THSD4: variants seen among roughly 807,000 people sequenced by gnomAD.
THSD4 encodes the protein thrombospondin type-1 domain-containing protein 4.
In THSD4, 69 loss-of-function variants were observed where a neutral mutation model predicts 119.0. The observed-to-expected ratio is 0.58, with a 90% CI of 0.48 to 0.71. The LOEUF is 0.71. Ranked by LOEUF, THSD4 falls within the 30% of genes least tolerant of loss-of-function variation. The probability of loss-of-function intolerance (pLI) is 0.00; values close to 1 mark genes in which losing one functional copy is unlikely to be tolerated. For missense variants in THSD4, 1,393 were observed against 1,391.1 expected (o/e 1.00, Z -0.02); for synonymous variants, 524 against 540.4 (o/e 0.97, Z 0.42).
At chr15:71,608,247 T>TACACAC (rs1331902315) in intron 7 of THSD4, among the ~76,000 whole-genome samples, 5 of 71,716 alleles carry the variant, frequency 7.0e-5, no homozygotes, top group South Asian at 1.0e-3. Context: ...AATATATATA[T>TACACAC]ATACACACAC....
chr15:71,728,412 C>T, intron 8 of THSD4, 137 bp from the exon 9 acceptor site: 1 of 1,051,770 alleles, frequency 9.5e-7, no homozygotes, highest in Non-Finnish European at 1.4e-6. Context: ...CGCCCCAGGG[C>T]CTGGATCATT....
At chr15:71,538,855 A>G (rs963357417) in intron 7 of THSD4, among the ~76,000 whole-genome samples, 12 of 152,174 alleles carry the variant, frequency 7.9e-5, no homozygotes, top group Non-Finnish European at 1.5e-4. Flanking sequence ...AAGAGTTAGG[A>G]TGGGCCTGTA....
chr15:71,677,822 C>G (rs188282394), intron 8 of THSD4, among the ~76,000 whole-genome samples: 18 of 152,252 alleles, frequency 1.2e-4, no homozygotes, highest in African/African-American at 3.6e-4. Flanking sequence ...TTAATTGTAT[C>G]GTCTGTCTCA....
chr15:71,459,641 A>G (rs2047399565), intron 7 of THSD4, among the ~76,000 whole-genome samples: 4 of 152,236 alleles, frequency 2.6e-5, no homozygotes, highest in Admixed American at 2.6e-4. Flanking sequence ...AGAAACACAT[A>G]CATTCCCAAA....
chr15:71,688,707 CTGTGTGTGTGTGTG>C (rs55653630), intron 8 of THSD4, among the ~76,000 whole-genome samples: 7 of 133,438 alleles, frequency 5.2e-5, no homozygotes, highest in Non-Finnish European at 9.5e-5. Context: ...TTTTGTATCT[CTGTGTGTGTGTGTG>C]TGTGTGTGTG....
Position 71,417,053 on chromosome 15 carries a change from C to T in THSD4, c.1152+5230C>T, listed in dbSNP as rs112351864. ...GGATTACAGGCATGAGCCACTGCAC[C>T]TGGCCCTGCCCATTTTAAAATCAGA... is the stretch of plus-strand genomic sequence containing the variant. On this transcript the variant is annotated intron_variant, in intron 7 of 17. Transcript: ENST00000261862. Among the ~76,000 whole-genome samples the T allele has an allele frequency of 1.7e-4, 18 of 109,044 alleles. 5 individuals are homozygous for T. The highest frequency in any genetic ancestry group is 5.6e-4 in the African/African-American group (18 of 32,164). 71.5% of individuals were successfully genotyped at this position (109,044 alleles called of 152,430 possible). A position where few individuals can be genotyped will look rare whatever the true frequency, so the allele number is the denominator to read the frequency against.
intron 6 of THSD4, among the ~76,000 whole-genome samples, chr15:71,384,621 C>G (rs141304287): frequency 1.3e-5 from 2 of 152,270 alleles, no homozygotes; most frequent in African/African-American, 4.8e-5. Context: ...TTAAAAGAGG[C>G]AATAAAATTT....
intron 7 of THSD4, among the ~76,000 whole-genome samples, chr15:71,580,871 G>A (rs901979125): frequency 1.3e-5 from 2 of 151,792 alleles, no homozygotes; most frequent in African/African-American, 4.8e-5. Context: ...ATATATATGT[G>A]TGTGTGTATA....
At chr15:71,652,729 G>C (rs903947277) in intron 7 of THSD4, among the ~76,000 whole-genome samples, 1 of 152,182 alleles carries the variant, frequency 6.6e-6, no homozygotes, top group Non-Finnish European at 1.5e-5. Context: ...TGAGTCCCTT[G>C]ATAAGATGCT....
intron 7 of THSD4, among the ~76,000 whole-genome samples, chr15:71,519,172 C>A (rs4595754): frequency 2.6e-5 from 4 of 151,522 alleles, no homozygotes; most frequent in African/African-American, 9.7e-5. Context: ...AAACAGCAAG[C>A]GCAAAGGCCC....
chr15:71,556,532 G>A (rs916998247), intron 7 of THSD4, among the ~76,000 whole-genome samples: 6 of 151,912 alleles, frequency 3.9e-5, no homozygotes, highest in African/African-American at 1.2e-4. Context: ...GGCAGATCAC[G>A]TGAGCCCAGG....
chr15:71,570,421 T>G (rs1479259098), intron 7 of THSD4, among the ~76,000 whole-genome samples: 1 of 152,084 alleles, frequency 6.6e-6, no homozygotes, highest in Non-Finnish European at 1.5e-5. Flanking sequence ...TTCTTTTTTT[T>G]TTTGAGATGG....
intron 8 of THSD4, among the ~76,000 whole-genome samples, chr15:71,705,698 G>A (rs1279973551): frequency 6.6e-6 from 1 of 152,152 alleles, no homozygotes; most frequent in Non-Finnish European, 1.5e-5. Flanking sequence ...CATCAGTGGG[G>A]AAGATTTTGC....
intron 7 of THSD4, among the ~76,000 whole-genome samples, chr15:71,429,563 C>A (rs769164191): frequency 2.6e-5 from 4 of 152,168 alleles, no homozygotes; most frequent in Non-Finnish European, 5.9e-5. Flanking sequence ...AATAAGAGAG[C>A]TTCAAAGAAC....
At chr15:71,226,450 G>T (rs1031545744) in intron 4 of THSD4, among the ~76,000 whole-genome samples, 3 of 152,176 alleles carry the variant, frequency 2.0e-5, no homozygotes, top group African/African-American at 7.2e-5. Flanking sequence ...GGACAGCCTG[G>T]ATCAGGCCTG....
rs2047299160 is a variant in THSD4, at chr15:71,453,775, G to A, written c.1152+41952G>A. ...AATGAATAGGTACATGTAAAAAATG[G>A]ATTGTGATGGTCATTGCCTTCTTGT... On this transcript the variant is annotated intron_variant, in intron 7 of 17. Coordinates refer to ENST00000261862, the MANE Select transcript of THSD4 (RefSeq NM_024817.3). 2.0e-5 allele frequency among the ~76,000 whole-genome samples: 3 copies of A among 152,146 alleles called. No individual in the cohort carries two copies. In the South Asian group the frequency reaches 6.2e-4, roughly 32 times the overall value.
At chr15:71,261,885 AT>A (rs1327803508) in intron 6 of THSD4, among the ~76,000 whole-genome samples, 7 of 152,196 alleles carry the variant, frequency 4.6e-5, no homozygotes, top group Non-Finnish European at 7.3e-5. Flanking sequence ...GAGGAAGCCT[AT>A]GGTCACTGAA....
intron 7 of THSD4, among the ~76,000 whole-genome samples, chr15:71,557,764 G>A (rs1238768097): frequency 1.3e-5 from 2 of 152,098 alleles, no homozygotes; most frequent in African/African-American, 4.8e-5. Flanking sequence ...ACATAAATGT[G>A]TTCATTATAC....
chr15:71,748,948 A>T (rs966984218), intron 14 of THSD4, among the ~76,000 whole-genome samples: 1 of 152,144 alleles, frequency 6.6e-6, no homozygotes, highest in African/African-American at 2.4e-5. Context: ...CTTTTTGCCA[A>T]CTCAAAACAT....
Sources: allele counts gnomAD v4.1 joint callset (sites outside exome capture counted in the v4.1 genomes callset), GRCh38; gene constraint gnomAD v4.1.1; transcripts MANE v1.5; gene names NCBI Gene and HGNC (gene_info 2026-07-23, HGNC 2026-07-21).